Variants in SLTM observed in about 807,000 individuals in gnomAD.
SLTM encodes SAFB like transcription modulator.
A neutral mutation model predicts 134.6 loss-of-function variants in SLTM; 43 were observed. The ratio of observed to expected loss-of-function variants is 0.32; its 90% CI spans 0.25 to 0.41. The LOEUF (loss-of-function observed/expected upper bound fraction) is 0.41, where lower values mean the gene tolerates loss of function less well. Among genes scored for constraint, SLTM ranks in the 10% least tolerant of loss-of-function variants. SLTM has a pLI of 1.00. For synonymous variants in SLTM, 424 were observed against 432.3 expected, an observed-to-expected ratio of 0.98 and a Z score of 0.24; for missense variants, 1,055 against 1,288.8, an observed-to-expected ratio of 0.82 and a Z score of 2.78.
At chr15:58,927,416 C>T (rs761535532) in intron 2 of SLTM, among the ~76,000 whole-genome samples, 1 of 151,988 alleles carries the variant, frequency 6.6e-6, no homozygotes. Context: ...ATTACAGATG[C>T]GAAACACCAT....
chr15:58,893,255 C>CA (rs200414428), intron 13 of SLTM, 24 bp downstream of exon 13: 23,154 of 1,570,862 alleles, frequency 0.015, 202 homozygotes, highest in Middle Eastern at 0.021. Flanking sequence ...AAGTAGTATA[C>CA]AACCATCCTG....
intron 8 of SLTM, 132 bp downstream of exon 8, chr15:58,898,671 C>G: frequency 1.5e-6 from 1 of 650,162 alleles, no homozygotes; most frequent in African/African-American, 1.9e-5. Context: ...TATATAAAGA[C>G]CATCTCAAGT....
intron 5 of SLTM, among the ~76,000 whole-genome samples, chr15:58,908,463 G>A (rs1178532480): frequency 6.6e-6 from 1 of 151,968 alleles, no homozygotes; most frequent in East Asian, 1.9e-4. Flanking sequence ...ACCTCCTGGG[G>A]TCAAGTGATC....
At chr15:58,900,007 A>G in intron 6 of SLTM, 70 bp from the exon 7 acceptor site, 1 of 1,234,710 alleles carries the variant, frequency 8.1e-7, no homozygotes, top group East Asian at 2.3e-5. Context: ...CATAAGCTAG[A>G]ATAGGACCTA....
chr15:58,883,781 A>G lies in SLTM; in HGVS notation c.2841T>C (p.Tyr947=). 2.5e-6 allele frequency: 4 copies of G among 1,613,940 alleles called. No individual in the cohort carries two copies. Among genetic ancestry groups the G allele is most frequent in the Non-Finnish European group, 3.4e-6 (4 of 1,179,962 alleles). ...GTTCAACCACATGTCGCTCCTCAGG[A>G]TAGTGCTAAAAGAATAGCATATGAA... ...ITDRGGGSQH[Y]PEERHVVERH... The change falls in exon 20 of 21, where the codon TAT becomes TAC. Residue 947 remains tyrosine, a synonymous_variant. Coordinates refer to ENST00000380516, the MANE Select transcript of SLTM (RefSeq NM_024755.4).
At chr15:58,921,897 T>C (rs1165782659) in intron 2 of SLTM, among the ~76,000 whole-genome samples, 3 of 152,066 alleles carry the variant, frequency 2.0e-5, no homozygotes, top group African/African-American at 7.2e-5. Flanking sequence ...TGCCTCAGCC[T>C]CACAAGGAGC....
chr15:58,930,353 TTCCCGACCGCAGGTGA>T (rs2037785746), intron 2 of SLTM, among the ~76,000 whole-genome samples: 1 of 149,564 alleles, frequency 6.7e-6, no homozygotes, highest in African/African-American at 2.5e-5. Flanking sequence ...TGCTCTCGAA[TTCCCGACCGCAGGTGA>T]TCCACCCGCC....
chr15:58,884,406 C>T (rs974690115), intron 19 of SLTM, among the ~76,000 whole-genome samples: 2 of 151,944 alleles, frequency 1.3e-5, no homozygotes, highest in Middle Eastern at 3.2e-3. Flanking sequence ...GCAACCTCCG[C>T]CCCCCGGATT....
chr15:58,890,685 TAA>T (rs2034580330), intron 14 of SLTM, among the ~76,000 whole-genome samples: 1 of 152,250 alleles, frequency 6.6e-6, no homozygotes, highest in African/African-American at 2.4e-5. Context: ...CTAAATTTTA[TAA>T]TATAGAGTAG....
intron 9 of SLTM, 24 bp downstream of exon 9, chr15:58,897,091 G>C (rs2035137425): frequency 7.3e-7 from 1 of 1,362,352 alleles, no homozygotes. Flanking sequence ...CAGAAAGACA[G>C]ATAAAAAGGT....
chr15:58,888,480 G>T lies in SLTM; in HGVS notation c.2280C>A (p.Asp760Glu). ...DTDARFGHGS[D>E]YSRQQNRFND... Reference sequence around the variant, plus strand: ...TAAATCTGTTCTGTTGGCGAGAGTAGTCGGATCCATGGCCAAATCGTGCAT... The same window carrying T: ...TAAATCTGTTCTGTTGGCGAGAGTATTCGGATCCATGGCCAAATCGTGCAT... The change falls in exon 17 of 21, where the codon GAC becomes GAA. Residue 760 changes from aspartate (D) to glutamate (E), a missense_variant. Around this residue, in one of 3 missense-constraint regions of SLTM, gnomAD observed 776 missense variants for 962.2 expected, o/e 0.81. Transcript: ENST00000380516. The T allele has an allele frequency of 6.2e-7, 1 of 1,614,056 alleles. No individual in the cohort carries two copies. Among genetic ancestry groups the T allele is most frequent in the Non-Finnish European group, 8.5e-7 (1 of 1,179,994 alleles).
In SLTM at chr15:58,879,910, C is replaced by A. The variant is rs2033557209; in HGVS notation, c.*89G>T. 4 of 1,431,352 alleles carry A rather than the reference C, an allele frequency of 2.8e-6. No homozygotes were observed. Among genetic ancestry groups the A allele is most frequent in the South Asian group, 1.6e-5 (1 of 63,332 alleles). The allele number at this position is 1,431,352 out of a possible 1,614,324, so 88.7% of individuals were successfully genotyped here. ...AGAAAAGTCTGACAGAACTCTCAAG[C>A]AAGTCAGAGGTCCTCTTCATAAGTA... On this transcript the variant is annotated 3_prime_UTR_variant, in exon 21 of 21. Coordinates refer to ENST00000380516, the MANE Select transcript of SLTM (RefSeq NM_024755.4).
chr15:58,919,513 C>A (rs1045811282), intron 2 of SLTM, among the ~76,000 whole-genome samples: 1 of 151,814 alleles, frequency 6.6e-6, no homozygotes, highest in African/African-American at 2.4e-5. Flanking sequence ...GGTGGGAGGA[C>A]TGCTTGAACC....
At position 58,887,101 on chromosome 15, in the gene SLTM, T is replaced by C. The variant is rs751933351; in HGVS notation, c.2709A>G (p.Arg903=). 2 of 1,614,122 alleles carry C rather than the reference T, an allele frequency of 1.2e-6. No individual in the cohort carries two copies. Among genetic ancestry groups the C allele is most frequent in the South Asian group, 2.2e-5 (2 of 91,076 alleles). ...KRETRVERPE[R]SGREVSGHSV... The stretch of plus-strand genomic sequence containing the variant: ...TGTGCCCTGATACTTCTCTCCCAGA[T>C]CGTTCTGGCCTTTCAACTCTGTTAA... The change falls in exon 19 of 21, where the codon CGA becomes CGG. Residue 903 remains arginine, a synonymous_variant. Transcript: ENST00000380516.
At chr15:58,890,484 A>T in intron 14 of SLTM, 23 bp from the exon 15 acceptor site, 2 of 1,609,098 alleles carry the variant, frequency 1.2e-6, no homozygotes, top group Non-Finnish European at 1.7e-6. Flanking sequence ...AGTATTTAGA[A>T]ATACTTAAAT....
intron 2 of SLTM, 30 bp downstream of exon 2, chr15:58,932,326 T>C: frequency 6.5e-7 from 1 of 1,549,912 alleles, no homozygotes; most frequent in Admixed American, 1.7e-5. Flanking sequence ...CCAAAATATA[T>C]TTTAAAACAT....
At chr15:58,923,586 G>C (rs1488686769) in intron 2 of SLTM, among the ~76,000 whole-genome samples, 2 of 152,016 alleles carry the variant, frequency 1.3e-5, no homozygotes, top group Non-Finnish European at 2.9e-5. Flanking sequence ...ATTCCGACAA[G>C]CGGCACTATC....
chr15:58,915,768 G>C (rs1489410511), intron 3 of SLTM, among the ~76,000 whole-genome samples: 3 of 151,824 alleles, frequency 2.0e-5, no homozygotes, highest in Non-Finnish European at 2.9e-5. Flanking sequence ...GAGATGGGTG[G>C]GTAAATGAAC....
At chr15:58,933,313 G>T in intron 1 of SLTM, 91 bp downstream of exon 1, 1 of 1,398,974 alleles carries the variant, frequency 7.1e-7, no homozygotes. Context: ...CCCAGCGGCT[G>T]CGGGCAGCCG....
Sources: allele counts gnomAD v4.1 joint callset (sites outside exome capture counted in the v4.1 genomes callset), GRCh38; gene constraint gnomAD v4.1.1; regional missense constraint gnomAD v4.1.1; transcripts MANE v1.5; gene names NCBI Gene and HGNC (gene_info 2026-07-23, HGNC 2026-07-21).